CAMTA1: variants seen among roughly 807,000 people sequenced by gnomAD.
CAMTA1 encodes calmodulin binding transcription activator 1.
CAMTA1 carries 27 observed loss-of-function variants against 170.9 expected under a neutral mutation model. That is an observed-to-expected ratio of 0.16 (90% CI 0.12 to 0.22). The LOEUF is 0.22. Ranked by LOEUF, CAMTA1 falls within the 10% of genes least tolerant of loss-of-function variation. The pLI is 1.00. For synonymous variants in CAMTA1, 833 were observed against 891.5 expected, an observed-to-expected ratio of 0.93 and a Z score of 1.17; for missense variants, 1,619 against 2,217.2, an observed-to-expected ratio of 0.73 and a Z score of 5.42.
At chr1:7,218,978 C>T (rs1660244111) in intron 4 of CAMTA1, among the ~76,000 whole-genome samples, 2 of 152,146 alleles carry the variant, frequency 1.3e-5, no homozygotes. Flanking sequence ...CCTTACGTGG[C>T]ATTTTAGGAG....
chr1:6,968,377 G>GC (rs1691937325), intron 3 of CAMTA1, among the ~76,000 whole-genome samples: 1 of 152,142 alleles, frequency 6.6e-6, no homozygotes, highest in Non-Finnish European at 1.5e-5. Flanking sequence ...AAAGATCATA[G>GC]CCCCCACGGT....
rs1435888700 is a variant in CAMTA1 at position 7,293,356 on chromosome 1, C to A, written c.438+43730C>A. Among the ~76,000 whole-genome samples the A allele has an allele frequency of 2.0e-5, 3 of 152,148 alleles. No individual in the cohort carries two copies. The highest frequency in any genetic ancestry group is 2.9e-5 in the Non-Finnish European group (2 of 68,026). The stretch of plus-strand genomic sequence containing the variant: ...AATCATTCCTTCCTGCACCTGGACA[C>A]TGTTTCAGGGCTGGCATTTCTCTGG... On this transcript the variant is annotated intron_variant, in intron 5 of 22. Coordinates refer to ENST00000303635, the MANE Select transcript of CAMTA1 (RefSeq NM_015215.4). This position sits in a 1 kb window ranked among gnomAD's most constrained non-coding sequence, Gnocchi z 4.1.
In CAMTA1 at chr1:6,888,016, C is replaced by T. The variant is rs988248117; in HGVS notation, c.234+62806C>T. The T allele has an allele frequency of 6.8e-4, 772 of 1,132,928 alleles. 7 individuals are homozygous for T. The highest frequency in any genetic ancestry group is 1.2e-3 in the East Asian group (22 of 17,984). 70.2% of individuals were successfully genotyped at this position (1,132,928 alleles called of 1,614,324 possible). A position where few individuals can be genotyped will look rare whatever the true frequency, so the allele number is the denominator to read the frequency against. On this transcript the variant is annotated intron_variant, in intron 3 of 22. Transcript: ENST00000303635. The stretch of plus-strand genomic sequence containing the variant: ...ACCATCCATGATGCCACTCTGTCCC[C>T]TCAGCAAGCTGCCTTTTTCTTCCTA...
chr1:7,362,311 T>G (rs1313413063), intron 5 of CAMTA1, among the ~76,000 whole-genome samples: 1 of 152,178 alleles, frequency 6.6e-6, no homozygotes, highest in Non-Finnish European at 1.5e-5. Context: ...TTAGTGAACT[T>G]GGGTAGAACT....
At chr1:7,411,405 G>GAC (rs2090734409) in intron 5 of CAMTA1, among the ~76,000 whole-genome samples, 4 of 152,108 alleles carry the variant, frequency 2.6e-5, no homozygotes, top group African/African-American at 4.8e-5. Context: ...CGGGCGTGGT[G>GAC]ACACGGCCCT....
intron 5 of CAMTA1, among the ~76,000 whole-genome samples, chr1:7,445,943 G>A (rs2092669078): frequency 6.6e-6 from 1 of 152,088 alleles, no homozygotes; most frequent in African/African-American, 2.4e-5. Flanking sequence ...GGTCCCATCT[G>A]GGTGTGGCCA....
At chr1:6,944,318 G>A (rs151270332) in intron 3 of CAMTA1, among the ~76,000 whole-genome samples, 26 of 152,244 alleles carry the variant, frequency 1.7e-4, no homozygotes, top group African/African-American at 4.8e-4. Flanking sequence ...ATGAACATGG[G>A]TGTGCAAACA....
chr1:7,006,408 T>A lies in CAMTA1; in HGVS notation c.235-84896T>A, dbSNP rs528754328. On this transcript the variant is annotated intron_variant, in intron 3 of 22. Transcript: ENST00000303635. ...TTGTGGATTAGTCCTAGAAATTCTA[T>A]GGAATGGTGGGTGGCCAGATTTATT... Among the ~76,000 whole-genome samples, 22 of 152,302 alleles carry A rather than the reference T, an allele frequency of 1.4e-4. No homozygotes were observed. The East Asian group carries it at 4.0e-3, about 28-fold the overall frequency.
intron 9 of CAMTA1, among the ~76,000 whole-genome samples, chr1:7,668,008 T>A (rs1014294419): frequency 6.6e-6 from 1 of 152,204 alleles, no homozygotes; most frequent in Non-Finnish European, 1.5e-5. Context: ...GCCCCCATCC[T>A]GGGTTCTACA....
chr1:7,312,826 G>A (rs1000020706), intron 5 of CAMTA1, among the ~76,000 whole-genome samples: 2 of 151,978 alleles, frequency 1.3e-5, no homozygotes, highest in African/African-American at 4.8e-5. Flanking sequence ...ATGTGATTTT[G>A]TGCCTTTCCT....
intron 3 of CAMTA1, among the ~76,000 whole-genome samples, chr1:7,018,750 T>C (rs1700939445): frequency 6.6e-6 from 1 of 152,124 alleles, no homozygotes; most frequent in Non-Finnish European, 1.5e-5. Flanking sequence ...TATTTCCCGT[T>C]GTTGGGGTCG....
chr1:7,654,830 A>T (rs2095872728), intron 7 of CAMTA1, among the ~76,000 whole-genome samples: 1 of 143,814 alleles, frequency 7.0e-6, no homozygotes, highest in African/African-American at 2.6e-5. Context: ...ACACACCCCT[A>T]TACACACGAA....
intron 4 of CAMTA1, among the ~76,000 whole-genome samples, chr1:7,099,114 T>C (rs1642426473): frequency 6.6e-6 from 1 of 151,752 alleles, no homozygotes; most frequent in African/African-American, 2.4e-5. Context: ...AATCGTGTGA[T>C]CTCGGCTCAC....
intron 3 of CAMTA1, among the ~76,000 whole-genome samples, chr1:6,848,754 A>G (rs1197884979): frequency 6.6e-6 from 1 of 152,222 alleles, no homozygotes; most frequent in Non-Finnish European, 1.5e-5. Context: ...AGCAAGAGAA[A>G]AGGTAGATTT....
chr1:7,021,810 G>A (rs1004868418), intron 3 of CAMTA1, among the ~76,000 whole-genome samples: 3 of 152,210 alleles, frequency 2.0e-5, no homozygotes, highest in Admixed American at 2.0e-4. Context: ...AGAAAAGCCT[G>A]TATTCTGCTT....
Position 7,092,167 on chromosome 1 carries a change from C to T in CAMTA1, c.302+796C>T, listed in dbSNP as rs1022531833. Among the ~76,000 whole-genome samples, 2 of 152,176 alleles carry T rather than the reference C, an allele frequency of 1.3e-5. No homozygotes were observed. Among genetic ancestry groups the T allele is most frequent in the Admixed American group, 6.5e-5 (1 of 15,280 alleles). On this transcript the variant is annotated intron_variant, in intron 4 of 22. Transcript: ENST00000303635. This position sits in a 1 kb window ranked among gnomAD's most constrained non-coding sequence, Gnocchi z 5.0. ...TGTTTATTAGCTGGCGGGGTGGTAGCTGGAGTGTGGTTTACACAGGATGCC... is the reference window on the plus strand; with the variant it reads ...TGTTTATTAGCTGGCGGGGTGGTAGTTGGAGTGTGGTTTACACAGGATGCC...
intron 3 of CAMTA1, among the ~76,000 whole-genome samples, chr1:6,960,255 G>C (rs1394177322): frequency 6.6e-6 from 1 of 152,180 alleles, no homozygotes; most frequent in East Asian, 1.9e-4. Flanking sequence ...GAGTTTTCCT[G>C]GGGGCAGAGA....
At chr1:7,338,898 C>T (rs966915010) in intron 5 of CAMTA1, among the ~76,000 whole-genome samples, 1 of 152,140 alleles carries the variant, frequency 6.6e-6, no homozygotes, top group Non-Finnish European at 1.5e-5. Context: ...GCAGGCTGTA[C>T]AGGAAGCATG....
At chr1:7,083,961 CTT>C (rs112707189) in intron 3 of CAMTA1, among the ~76,000 whole-genome samples, 1 of 143,682 alleles carries the variant, frequency 7.0e-6, no homozygotes. Flanking sequence ...GGAGCCTTGG[CTT>C]TTTTTTTTTC....
Sources: gnomAD v4.1 joint callset for allele counts (sites outside exome capture counted in the v4.1 genomes callset) on GRCh38, gnomAD v4.1.1 for gene constraint, Gnocchi (gnomAD v3.1) non-coding constraint, MANE v1.5 for transcripts, NCBI Gene and HGNC (gene_info 2026-07-23, HGNC 2026-07-21) for gene names.